The following WDR72 variants were observed in gnomAD, a reference collection of about 807,000 sequenced individuals.
WDR72 encodes WD repeat-containing protein 72.
WDR72 carries 120 observed loss-of-function variants against 124.2 expected under a neutral mutation model. The observed-to-expected ratio is 0.97, with a 90% confidence interval of 0.83 to 1.12. The LOEUF (loss-of-function observed/expected upper bound fraction) is 1.12. WDR72 is among the 50% of genes most tolerant of loss of function. The pLI is 0.00. For missense variants in WDR72, 1,387 were observed against 1,278.8 expected (o/e 1.08, Z -1.29); for synonymous variants, 452 against 441.7 (o/e 1.02, Z -0.29).
intron 16 of WDR72, among the ~76,000 whole-genome samples, chr15:53,611,589 T>G (rs2013540554): frequency 6.6e-6 from 1 of 152,072 alleles, no homozygotes; most frequent in African/African-American, 2.4e-5. Flanking sequence ...TGGGGCTATT[T>G]AGATGGAACA....
intron 13 of WDR72, among the ~76,000 whole-genome samples, chr15:53,686,261 C>A (rs1217254197): frequency 6.6e-6 from 1 of 152,020 alleles, no homozygotes; most frequent in African/African-American, 2.4e-5. Flanking sequence ...AAGACACAGA[C>A]TGGCAAATTG....
intron 14 of WDR72, among the ~76,000 whole-genome samples, chr15:53,623,629 G>A (rs574213158): frequency 3.3e-5 from 5 of 152,124 alleles, no homozygotes; most frequent in South Asian, 4.2e-4. Context: ...ACAAGATCAC[G>A]TGTCTTTTTG....
At chr15:53,704,509 G>GT (rs537892800) in intron 11 of WDR72, among the ~76,000 whole-genome samples, 12 of 150,790 alleles carry the variant, frequency 8.0e-5, no homozygotes, top group Non-Finnish European at 1.3e-4. Context: ...TTCTGCTTGA[G>GT]TTTTTTTTGT....
intron 9 of WDR72, among the ~76,000 whole-genome samples, chr15:53,708,301 G>A (rs1310291714): frequency 6.6e-6 from 1 of 152,136 alleles, no homozygotes; most frequent in East Asian, 1.9e-4. Context: ...TCTATTGAAA[G>A]AGCAAGTTGG....
At chr15:53,660,858 C>T (rs926236607) in intron 14 of WDR72, among the ~76,000 whole-genome samples, 4 of 152,100 alleles carry the variant, frequency 2.6e-5, no homozygotes, top group African/African-American at 9.7e-5. Flanking sequence ...ACATTCCACA[C>T]AGTGCAGAGG....
chr15:53,603,603 A>G (rs974395931), intron 17 of WDR72, among the ~76,000 whole-genome samples: 5 of 152,182 alleles, frequency 3.3e-5, no homozygotes, highest in Non-Finnish European at 7.3e-5. Flanking sequence ...TCTCAGCCCA[A>G]AAACTTCTTA....
chr15:53,654,488 G>T (rs1380177222), intron 14 of WDR72, among the ~76,000 whole-genome samples: 1 of 152,120 alleles, frequency 6.6e-6, no homozygotes, highest in Non-Finnish European at 1.5e-5. Flanking sequence ...TAAAATACAA[G>T]AACTTGGTCC....
At chr15:53,737,114 A>G (rs531892250) in intron 1 of WDR72, among the ~76,000 whole-genome samples, 8 of 152,068 alleles carry the variant, frequency 5.3e-5, no homozygotes, top group Non-Finnish European at 8.8e-5. Context: ...CTTACATAGC[A>G]TCTCTAAATA....
intron 14 of WDR72, among the ~76,000 whole-genome samples, chr15:53,622,282 C>A (rs1458852834): frequency 6.6e-6 from 1 of 152,038 alleles, no homozygotes; most frequent in East Asian, 1.9e-4. Context: ...TGGGTATATA[C>A]CCATAGGAAT....
intron 18 of WDR72, among the ~76,000 whole-genome samples, chr15:53,587,466 A>G (rs962817833): frequency 1.3e-5 from 2 of 152,030 alleles, no homozygotes; most frequent in South Asian, 2.1e-4. Context: ...ATGTTACTAT[A>G]TCTTTCAGTG....
Position 53,543,260 on chromosome 15 carries a change from C to T in WDR72, c.3149-19938G>A, listed in dbSNP as rs896361267. On this transcript the variant is annotated intron_variant, in intron 18 of 19. Transcript: ENST00000360509. ...TACTTGGAAGTAAAGCTCTCCTCAGCAAATGTAAAAGAACAGAGATTATAA... is the reference window on the plus strand; with the variant it reads ...TACTTGGAAGTAAAGCTCTCCTCAGTAAATGTAAAAGAACAGAGATTATAA... 2.7e-5 allele frequency among the ~76,000 whole-genome samples: 4 copies of T among 150,076 alleles called. No individual in the cohort carries two copies. In the Admixed American group the frequency reaches 2.7e-4, roughly 10 times the overall value.
Position 53,593,501 on chromosome 15 carries a change from G to A in WDR72, c.3148+3578C>T, listed in dbSNP as rs1376071114. 2.0e-5 allele frequency among the ~76,000 whole-genome samples: 3 copies of A among 151,990 alleles called. No individual in the cohort carries two copies. The East Asian group carries it at 5.8e-4, about 29-fold the overall frequency. On this transcript the variant is annotated intron_variant, in intron 18 of 19. Coordinates refer to ENST00000360509, the MANE Select transcript of WDR72 (RefSeq NM_182758.4). ...TTCAAAGAGTAAGATGTATACCACT[G>A]GTGGCATTTAAGATAGCTGGTTTGG...
At chr15:53,629,465 C>T (rs79632495) in intron 14 of WDR72, among the ~76,000 whole-genome samples, 2,072 of 148,248 alleles carry the variant, frequency 0.014, 38 homozygotes, top group East Asian at 0.08. Flanking sequence ...AAAATGACCA[C>T]GAAGTTATGG....
At chr15:53,758,387 T>C (rs1243920113) in intron 1 of WDR72, among the ~76,000 whole-genome samples, 1 of 152,152 alleles carries the variant, frequency 6.6e-6, no homozygotes, top group African/African-American at 2.4e-5. Context: ...ATATAAAATA[T>C]TAATTTTTAG....
At chr15:53,692,831 A>G (rs546846891) in intron 13 of WDR72, among the ~76,000 whole-genome samples, 22 of 152,296 alleles carry the variant, frequency 1.4e-4, no homozygotes, top group Middle Eastern at 3.4e-3. Flanking sequence ...GAGTAATAAC[A>G]TCAGTAATTA....
At chr15:53,757,556 G>C (rs904843652) in intron 1 of WDR72, among the ~76,000 whole-genome samples, 22 of 152,062 alleles carry the variant, frequency 1.4e-4, no homozygotes, top group Admixed American at 5.9e-4. Context: ...CCAGGGACCA[G>C]AGGGTGCAGT....
chr15:53,706,360 A>ATATATATATATGTGTGTG lies in WDR72; in HGVS notation c.955-287_955-286insCACACACATATATATATA, dbSNP rs1223247383. ...TGTGTGTGTGTGTGTGTATATATAT[A>ATATATATATATGTGTGTG]TATATATATATATATATATATATAT... is the stretch of plus-strand genomic sequence containing the variant. On this transcript the variant is annotated intron_variant, in intron 9 of 19. Transcript: ENST00000360509. 5.4e-4 allele frequency among the ~76,000 whole-genome samples: 23 copies of ATATATATATATGTGTGTG among 42,468 alleles called. 1 individual carries two copies. Among genetic ancestry groups the ATATATATATATGTGTGTG allele is most frequent in the African/African-American group, 2.0e-3 (23 of 11,346 alleles). 27.9% of individuals were successfully genotyped at this position (42,468 alleles called of 152,430 possible). A position where few individuals can be genotyped will look rare whatever the true frequency, so the allele number is the denominator to read the frequency against.
At chr15:53,694,256 A>AAC (rs2016933550) in intron 13 of WDR72, among the ~76,000 whole-genome samples, 1 of 152,164 alleles carries the variant, frequency 6.6e-6, no homozygotes, top group South Asian at 2.1e-4. Context: ...CAATTTCAGC[A>AAC]TTTTTATATT....
At chr15:53,619,271 T>C (rs990425621) in intron 14 of WDR72, among the ~76,000 whole-genome samples, 4 of 150,780 alleles carry the variant, frequency 2.7e-5, no homozygotes, top group African/African-American at 9.9e-5. Flanking sequence ...TAATTGTGTG[T>C]GTGTGTGTGT....
Sources: gnomAD v4.1 joint callset for allele counts (sites outside exome capture counted in the v4.1 genomes callset) on GRCh38, gnomAD v4.1.1 for gene constraint, MANE v1.5 for transcripts, NCBI Gene and HGNC (gene_info 2026-07-23, HGNC 2026-07-21) for gene names.